Variants in NCAM2 observed in about 807,000 individuals in gnomAD.
NCAM2 encodes N-CAM-2.
Under a neutral mutation model 98.1 loss-of-function variants are expected in NCAM2, and 30 were observed. That is an observed-to-expected ratio of 0.31 (90% CI 0.23 to 0.41). The LOEUF is 0.41. Ranked by LOEUF, NCAM2 falls within the 10% of genes least tolerant of loss-of-function variation. The pLI is 1.00. For synonymous variants in NCAM2, 368 were observed against 342.4 expected, an observed-to-expected ratio of 1.07 and a Z score of -0.83; for missense variants, 867 against 1,005.8, an observed-to-expected ratio of 0.86 and a Z score of 1.87.
intron 8 of NCAM2, among the ~76,000 whole-genome samples, chr21:21,357,250 C>G (rs943458531): frequency 3.9e-5 from 6 of 152,074 alleles, no homozygotes; most frequent in Non-Finnish European, 7.4e-5. Flanking sequence ...GCCTCACAGT[C>G]CTCTTTTTCA....
intron 1 of NCAM2, among the ~76,000 whole-genome samples, chr21:21,045,520 A>G (rs759232418): frequency 2.6e-4 from 39 of 152,054 alleles, no homozygotes; most frequent in Non-Finnish European, 5.1e-4. Context: ...ATGATGGCCC[A>G]CACCTGTCGT....
Position 21,046,652 on chromosome 21 carries a change from C to T in NCAM2, c.55+48034C>T, listed in dbSNP as rs929476783. ...CACCTCTTGGTTCAGGTTTTCTTGC[C>T]AGCACCAAAAACTCCTGTAGCTTAT... is the stretch of plus-strand genomic sequence containing the variant. On this transcript the variant is annotated intron_variant, in intron 1 of 17. Coordinates refer to ENST00000400546, the MANE Select transcript of NCAM2 (RefSeq NM_004540.5). Among the ~76,000 whole-genome samples, 7 of 152,084 alleles carry T rather than the reference C, an allele frequency of 4.6e-5. 1 individual carries two copies. Among genetic ancestry groups the T allele is most frequent in the African/African-American group, 7.2e-5 (3 of 41,400 alleles).
intron 1 of NCAM2, among the ~76,000 whole-genome samples, chr21:21,112,065 T>G (rs1407545251): frequency 1.3e-5 from 2 of 152,224 alleles, no homozygotes; most frequent in Non-Finnish European, 2.9e-5. Context: ...GACATTCTCT[T>G]ATTTTAATTA....
chr21:21,040,871 T>A (rs1286737927), intron 1 of NCAM2, among the ~76,000 whole-genome samples: 1 of 152,118 alleles, frequency 6.6e-6, no homozygotes, highest in East Asian at 1.9e-4. Flanking sequence ...TGTCGGTGAC[T>A]CTAGTTAACA....
At chr21:21,232,241 C>T (rs2070658779) in intron 1 of NCAM2, among the ~76,000 whole-genome samples, 1 of 151,460 alleles carries the variant, frequency 6.6e-6, no homozygotes, top group Non-Finnish European at 1.5e-5. Flanking sequence ...TTTTCTTATA[C>T]TCAAATTATA....
At chr21:21,388,996 A>G (rs190194546) in intron 9 of NCAM2, among the ~76,000 whole-genome samples, 10 of 152,328 alleles carry the variant, frequency 6.6e-5, no homozygotes, top group Admixed American at 5.9e-4. Flanking sequence ...AATGCAAGCA[A>G]AAGTGTGTAA....
intron 1 of NCAM2, among the ~76,000 whole-genome samples, chr21:21,165,480 T>A: frequency 6.6e-6 from 1 of 152,124 alleles, no homozygotes; most frequent in East Asian, 1.9e-4. Flanking sequence ...GTGGCCAACA[T>A]AAATACAGTG....
intron 7 of NCAM2, among the ~76,000 whole-genome samples, chr21:21,336,667 C>T (rs1318833463): frequency 6.6e-6 from 1 of 152,150 alleles, no homozygotes; most frequent in Non-Finnish European, 1.5e-5. Flanking sequence ...CCTCTGCAGA[C>T]TGGCCCTGTA....
intron 1 of NCAM2, chr21:21,210,454 A>G (rs911386581): frequency 8.1e-6 from 9 of 1,111,762 alleles, no homozygotes; most frequent in South Asian, 5.9e-5. Flanking sequence ...ACTCCATGAC[A>G]TATTTACTGT....
At chr21:21,089,536 A>G (rs1201965821) in intron 1 of NCAM2, among the ~76,000 whole-genome samples, 4 of 152,172 alleles carry the variant, frequency 2.6e-5, no homozygotes, top group Non-Finnish European at 5.9e-5. Context: ...ATTTCTCTGA[A>G]CATCTATTTC....
rs932585324 is a variant in NCAM2, at chr21:21,538,532, A to G, written c.*575A>G. ...AACTTTGGAGAACTCATTTCAAGTT[A>G]TGATTCAGTGCATTTTCAACATTGA... On this transcript the variant is annotated 3_prime_UTR_variant, in exon 18 of 18. Transcript: ENST00000400546. The G allele has an allele frequency of 6.5e-6, 1 of 152,734 alleles. No homozygotes were observed. The highest frequency in any genetic ancestry group is 2.1e-4 in the South Asian group (1 of 4,834). 9.5% of individuals were successfully genotyped at this position (152,734 alleles called of 1,614,324 possible).
chr21:21,419,137 C>CAATACAGTTACCTAT (rs1172407545), intron 11 of NCAM2, among the ~76,000 whole-genome samples: 6 of 151,908 alleles, frequency 3.9e-5, no homozygotes, highest in Non-Finnish European at 8.8e-5. Flanking sequence ...TTATAGGTAA[C>CAATACAGTTACCTAT]AATACAGATT....
At chr21:21,432,572 A>G (rs970545900) in intron 12 of NCAM2, among the ~76,000 whole-genome samples, 2 of 151,106 alleles carry the variant, frequency 1.3e-5, no homozygotes, top group African/African-American at 2.4e-5. Flanking sequence ...CATACTAGAT[A>G]TGATGGCTGG....
At chr21:21,386,074 G>A (rs2076265201) in intron 9 of NCAM2, among the ~76,000 whole-genome samples, 2 of 152,020 alleles carry the variant, frequency 1.3e-5, no homozygotes, top group Admixed American at 6.6e-5. Flanking sequence ...CCATAACACA[G>A]AATCATGTTA....
chr21:21,381,412 T>C (rs1199583331), intron 9 of NCAM2, among the ~76,000 whole-genome samples: 1 of 152,198 alleles, frequency 6.6e-6, no homozygotes, highest in Non-Finnish European at 1.5e-5. Context: ...TTTTTTCACA[T>C]TCTATGCCCA....
rs73896631 is a variant in NCAM2, at chr21:21,254,204, T to A, written c.56-26374T>A. ...CGCACTTAGCACATTTAGCGTATTA[T>A]TCCTTTTATTTCTTAGACAGAATTT... On this transcript the variant is annotated intron_variant, in intron 1 of 17. Transcript: ENST00000400546. Among the ~76,000 whole-genome samples the A allele has an allele frequency of 2.5e-3, 376 of 152,338 alleles. 2 individuals are homozygous for A. Among genetic ancestry groups the A allele is most frequent in the African/African-American group, 8.6e-3 (357 of 41,576 alleles).
intron 16 of NCAM2, among the ~76,000 whole-genome samples, chr21:21,528,183 A>G (rs781663976): frequency 7.2e-5 from 11 of 152,226 alleles, no homozygotes; most frequent in Non-Finnish European, 1.3e-4. Context: ...CAGTGGTTGC[A>G]CATGTTGGAA....
At chr21:21,384,173 G>A (rs903423547) in intron 9 of NCAM2, among the ~76,000 whole-genome samples, 2 of 151,848 alleles carry the variant, frequency 1.3e-5, no homozygotes, top group African/African-American at 2.4e-5. Context: ...ACTATAAAAC[G>A]TTATTTCTAC....
intron 16 of NCAM2, 54 bp from the exon 17 acceptor site, chr21:21,534,483 T>C: frequency 7.2e-7 from 1 of 1,385,082 alleles, no homozygotes; most frequent in African/African-American, 1.5e-5. Flanking sequence ...TTTTTTTCCA[T>C]AATGCATCCA....
Sources: allele counts gnomAD v4.1 joint callset (sites outside exome capture counted in the v4.1 genomes callset), GRCh38; gene constraint gnomAD v4.1.1; transcripts MANE v1.5; gene names NCBI Gene and HGNC (gene_info 2026-07-23, HGNC 2026-07-21).